Variants in CREM observed in about 807,000 individuals in gnomAD.
CREM encodes the protein cAMP responsive element modulator, also known as cAMP-responsive element modulator.
CREM carries 13 observed loss-of-function variants against 37.3 expected under a neutral mutation model. The observed-to-expected ratio is 0.35, with a 90% confidence interval of 0.23 to 0.55. CREM has a LOEUF of 0.55. Ranked by LOEUF, CREM falls within the 20% of genes least tolerant of loss-of-function variation. The pLI, the probability that CREM is intolerant of heterozygous loss-of-function variation, is 0.88. For synonymous variants in CREM, 124 were observed against 120.2 expected (o/e 1.03, Z -0.21); for missense variants, 296 against 362.3 (o/e 0.82, Z 1.49).
At chr10:35,166,032 T>C (rs930336200) in intron 3 of CREM, among the ~76,000 whole-genome samples, 7 of 152,148 alleles carry the variant, frequency 4.6e-5, no homozygotes, top group Admixed American at 4.6e-4. Context: ...GAAACAATGA[T>C]CCTTTTCCCC....
intron 2 of CREM, among the ~76,000 whole-genome samples, chr10:35,141,550 A>T (rs960292730): frequency 1.3e-5 from 2 of 152,172 alleles, no homozygotes; most frequent in African/African-American, 4.8e-5. Context: ...TTCCTGAGAT[A>T]GGGAACTCGG....
chr10:35,201,561 C>A, intron 6 of CREM: 1 of 1,538,364 alleles, frequency 6.5e-7, no homozygotes, highest in Non-Finnish European at 8.8e-7. Flanking sequence ...TTAAAGCTTG[C>A]AAAGAGAGAT....
At chr10:35,167,222 C>T in intron 3 of CREM, among the ~76,000 whole-genome samples, 1 of 152,198 alleles carries the variant, frequency 6.6e-6, no homozygotes, top group Non-Finnish European at 1.5e-5. Flanking sequence ...TTATTTTCAG[C>T]TTTAAAACAT....
At chr10:35,144,172 G>T (rs1299856822) in intron 2 of CREM, among the ~76,000 whole-genome samples, 1 of 152,182 alleles carries the variant, frequency 6.6e-6, no homozygotes, top group Non-Finnish European at 1.5e-5. Context: ...GGAGGTTACA[G>T]TGGACAGTGC....
chr10:35,137,910 GA>G, intron 2 of CREM, 31 bp downstream of exon 2: 1 of 1,553,114 alleles, frequency 6.4e-7, no homozygotes. Context: ...CTGTTCTTTT[GA>G]AAATTCTACT....
At chr10:35,141,074 A>G (rs1402464886) in intron 2 of CREM, among the ~76,000 whole-genome samples, 1 of 152,116 alleles carries the variant, frequency 6.6e-6, no homozygotes, top group East Asian at 1.9e-4. Flanking sequence ...CAAATTCTTA[A>G]CCTCCCTGAG....
chr10:35,161,830 T>A (rs1028428110), intron 3 of CREM, among the ~76,000 whole-genome samples: 2 of 152,158 alleles, frequency 1.3e-5, no homozygotes, highest in Non-Finnish European at 2.9e-5. Context: ...ACGGTGGGAA[T>A]GTAAATTTGT....
chr10:35,178,703 A>G (rs1405657441), intron 3 of CREM, among the ~76,000 whole-genome samples, 186 bp from the exon 4 acceptor site: 10 of 152,178 alleles, frequency 6.6e-5, no homozygotes, highest in African/African-American at 2.4e-4. Context: ...TATAACTGAA[A>G]TGTTTGCGTC....
intron 3 of CREM, among the ~76,000 whole-genome samples, chr10:35,166,932 A>T (rs1376634639): frequency 1.3e-5 from 2 of 152,220 alleles, no homozygotes. Context: ...ACCTGAGGTC[A>T]GGAGTTCAAG....
At chr10:35,134,217 T>G (rs1297948658) in intron 1 of CREM, among the ~76,000 whole-genome samples, 1 of 151,998 alleles carries the variant, frequency 6.6e-6, no homozygotes, top group East Asian at 1.9e-4. Context: ...GGCTCATTTT[T>G]GTAATTTTTT....
At chr10:35,178,730 A>C (rs541464211) in intron 3 of CREM, 159 bp from the exon 4 acceptor site, 1 of 539,878 alleles carries the variant, frequency 1.9e-6, no homozygotes, top group Non-Finnish European at 3.2e-6. Context: ...TCCTTTCTTG[A>C]GCCAGACTCC....
chr10:35,129,712 G>A (rs2088929336), intron 1 of CREM, among the ~76,000 whole-genome samples: 1 of 152,146 alleles, frequency 6.6e-6, no homozygotes, highest in Admixed American at 6.5e-5. Flanking sequence ...ATTTTTTAGA[G>A]CAGTTTTACA....
intron 1 of CREM, among the ~76,000 whole-genome samples, chr10:35,130,196 C>CA (rs754455183): frequency 0.033 from 2,109 of 63,872 alleles, 22 homozygotes; most frequent in East Asian, 0.071. Flanking sequence ...AACTCAGTCT[C>CA]AAAAAAAAAA....
At position 35,155,055 on chromosome 10, in the gene CREM, G is replaced by A. The variant is rs56895634; in HGVS notation, c.168+6564G>A. On this transcript the variant is annotated intron_variant, in intron 3 of 7. Transcript: ENST00000685392. ...TTTGCTTTAAATAAATTTTGATGTTGCAGAGGTAATTTCAGGAAGTATAAA... is the reference window on the plus strand; with the variant it reads ...TTTGCTTTAAATAAATTTTGATGTTACAGAGGTAATTTCAGGAAGTATAAA... Among the ~76,000 whole-genome samples the A allele has an allele frequency of 4.1e-3, 623 of 152,188 alleles. 8 individuals are homozygous for A. Among genetic ancestry groups the A allele is most frequent in the African/African-American group, 0.015 (604 of 41,528 alleles).
chr10:35,207,571 T>C (rs1174452463), intron 7 of CREM, among the ~76,000 whole-genome samples: 1 of 151,972 alleles, frequency 6.6e-6, no homozygotes, highest in East Asian at 1.9e-4. Context: ...GTCAAGAGAT[T>C]GAGACCATCC....
intron 6 of CREM, chr10:35,196,410 G>T: frequency 8.2e-6 from 3 of 363,706 alleles, no homozygotes; most frequent in Non-Finnish European, 1.0e-5. Context: ...TTTATTCAGT[G>T]GTCTTGTTTG....
chr10:35,189,666 A>C (rs113894825), intron 6 of CREM, among the ~76,000 whole-genome samples: 39 of 152,040 alleles, frequency 2.6e-4, no homozygotes, highest in African/African-American at 7.0e-4. Context: ...CAGGTGCATA[A>C]CGCCATGCCC....
At chr10:35,187,209 TTA>T (rs2094680130) in intron 5 of CREM, among the ~76,000 whole-genome samples, 1 of 73,632 alleles carries the variant, frequency 1.4e-5, no homozygotes, top group Non-Finnish European at 2.7e-5. Flanking sequence ...ATAATATATA[TTA>T]TATATTTATA....
At chr10:35,171,114 T>A (rs1435798371) in intron 3 of CREM, 2 of 151,488 alleles carry the variant, frequency 1.3e-5, no homozygotes, top group African/African-American at 4.8e-5. Flanking sequence ...ATGGTTTATG[T>A]TAGCGGGTAC....
Sources: allele counts gnomAD v4.1 joint callset (sites outside exome capture counted in the v4.1 genomes callset), GRCh38; gene constraint gnomAD v4.1.1; transcripts MANE v1.5; gene names NCBI Gene and HGNC (gene_info 2026-07-23, HGNC 2026-07-21).